The following PCDH15 variants were observed in gnomAD, a reference collection of about 807,000 sequenced individuals.
PCDH15 encodes protocadherin-15.
In PCDH15, 129 loss-of-function variants were observed where a neutral mutation model predicts 178.5. That is an observed-to-expected ratio of 0.72 (90% CI 0.63 to 0.84). The LOEUF (loss-of-function observed/expected upper bound fraction) is 0.84. Among genes scored for constraint, PCDH15 ranks in the 40% least tolerant of loss-of-function variants. The pLI is 0.00. For missense variants in PCDH15, 2,230 were observed against 2,099.9 expected (o/e 1.06, Z -1.21); for synonymous variants, 800 against 732.0 (o/e 1.09, Z -1.50).
intron 8 of PCDH15, among the ~76,000 whole-genome samples, chr10:54,292,360 A>G (rs1175130482): frequency 1.3e-5 from 2 of 152,180 alleles, no homozygotes; most frequent in Non-Finnish European, 2.9e-5. Flanking sequence ...CCCACAGCCA[A>G]TATCATACTG....
intron 3 of PCDH15, among the ~76,000 whole-genome samples, chr10:54,446,225 T>C (rs2076134262): frequency 6.6e-6 from 1 of 151,678 alleles, no homozygotes; most frequent in Admixed American, 6.6e-5. Flanking sequence ...TATAGTTTTC[T>C]TGTAGAGAAA....
At chr10:54,049,553 G>T (rs2093723307) in intron 18 of PCDH15, among the ~76,000 whole-genome samples, 1 of 151,800 alleles carries the variant, frequency 6.6e-6, no homozygotes, top group Non-Finnish European at 1.5e-5. Context: ...TCAATGCCTA[G>T]TTTCTTGTGG....
chr10:53,963,691 C>A (rs1321940587), intron 21 of PCDH15, among the ~76,000 whole-genome samples: 8 of 152,098 alleles, frequency 5.3e-5, no homozygotes, highest in Non-Finnish European at 7.4e-5. Flanking sequence ...GATAATGGCT[C>A]TACCTTTTAC....
intron 25 of PCDH15, among the ~76,000 whole-genome samples, chr10:53,929,468 C>A (rs978796026): frequency 6.6e-6 from 1 of 152,004 alleles, no homozygotes; most frequent in Non-Finnish European, 1.5e-5. Context: ...AAAACAGTGG[C>A]CATATATTTG....
At chr10:54,881,759 T>C (rs528711023) in intron 3 of PCDH15, among the ~76,000 whole-genome samples, 2 of 152,236 alleles carry the variant, frequency 1.3e-5, no homozygotes, top group South Asian at 4.1e-4. Flanking sequence ...AGATAATAAA[T>C]TGAAATCATA....
chr10:55,216,874 T>C (rs941152895), intron 1 of PCDH15, among the ~76,000 whole-genome samples: 2 of 151,900 alleles, frequency 1.3e-5, no homozygotes, highest in Non-Finnish European at 2.9e-5. Flanking sequence ...CTAATAGACA[T>C]TTGTTTTTTT....
At chr10:55,116,208 A>T (rs1393129279) in intron 2 of PCDH15, among the ~76,000 whole-genome samples, 1 of 152,166 alleles carries the variant, frequency 6.6e-6, no homozygotes, top group African/African-American at 2.4e-5. Context: ...CAGGTAAATA[A>T]CTAATGGCTT....
At chr10:55,584,096 C>T (rs1438615139) in intron 2 of PCDH15, among the ~76,000 whole-genome samples, 1 of 152,008 alleles carries the variant, frequency 6.6e-6, no homozygotes, top group Admixed American at 6.6e-5. Flanking sequence ...ATTGTCCAAG[C>T]TGGACAATAA....
intron 2 of PCDH15, among the ~76,000 whole-genome samples, chr10:54,609,488 T>C (rs1199032677): frequency 2.6e-5 from 4 of 152,074 alleles, no homozygotes; most frequent in Non-Finnish European, 5.9e-5. Context: ...GCATAATTTA[T>C]GTTTTGAGAA....
intron 2 of PCDH15, among the ~76,000 whole-genome samples, chr10:54,995,578 C>T (rs763304327): frequency 1.3e-4 from 19 of 151,058 alleles, no homozygotes; most frequent in Non-Finnish European, 1.9e-4. Context: ...TCCAACTGTC[C>T]CGTAGAACTG....
intron 1 of PCDH15, among the ~76,000 whole-genome samples, chr10:54,782,203 T>C (rs1303702538): frequency 2.0e-5 from 3 of 152,060 alleles, no homozygotes; most frequent in Admixed American, 6.6e-5. Context: ...ATTTTGAGGA[T>C]GCGATATGAC....
intron 3 of PCDH15, among the ~76,000 whole-genome samples, chr10:54,433,019 G>C (rs1957132450): frequency 6.6e-6 from 1 of 151,976 alleles, no homozygotes; most frequent in South Asian, 2.1e-4. Flanking sequence ...ACAACAATGA[G>C]ATATCATCTT....
At chr10:54,004,425 A>C (rs912654465) in intron 20 of PCDH15, among the ~76,000 whole-genome samples, 1 of 28,480 alleles carries the variant, frequency 3.5e-5, no homozygotes, top group Non-Finnish European at 7.0e-5. Flanking sequence ...ACACACACAC[A>C]CCACACAAAG....
chr10:55,518,750 A>G (rs1367921629), intron 2 of PCDH15, among the ~76,000 whole-genome samples: 1 of 151,916 alleles, frequency 6.6e-6, no homozygotes, highest in Non-Finnish European at 1.5e-5. Flanking sequence ...ACAAAGAGAC[A>G]CAGAAGCAGT....
chr10:54,611,125 T>C (rs1276688593), intron 2 of PCDH15, among the ~76,000 whole-genome samples: 1 of 151,842 alleles, frequency 6.6e-6, no homozygotes, highest in African/African-American at 2.4e-5. Flanking sequence ...CATTTTTTTC[T>C]TACAATTGAA....
chr10:54,595,107 T>A (rs1253225471), intron 2 of PCDH15, among the ~76,000 whole-genome samples: 1 of 152,202 alleles, frequency 6.6e-6, no homozygotes, highest in East Asian at 1.9e-4. Flanking sequence ...GAGGCTGTCA[T>A]CTTCCATGTG....
At chr10:54,852,575 G>A (rs947911010) in intron 3 of PCDH15, among the ~76,000 whole-genome samples, 9 of 152,054 alleles carry the variant, frequency 5.9e-5, no homozygotes, top group Admixed American at 2.0e-4. Flanking sequence ...ATTTTAGGCC[G>A]GGTGCAGTGG....
At chr10:53,999,001 C>T (rs770384279) in intron 20 of PCDH15, among the ~76,000 whole-genome samples, 12 of 146,364 alleles carry the variant, frequency 8.2e-5, no homozygotes, top group Non-Finnish European at 1.3e-4. Flanking sequence ...TGCAGTGAGC[C>T]GAGATCGCGC....
rs71461287 is a variant in PCDH15 at position 55,225,650 on chromosome 10, T to TGTGA, written c.-155-59000_-155-58999insTCAC. Reference sequence around the variant, plus strand: ...GTGTGTGTGTTTGTGTGTGTGTGTGTGAGAGAGAGAGAGAGAGAGAGAAAC... The same window carrying TGTGA: ...GTGTGTGTGTTTGTGTGTGTGTGTGTGTGAGAGAGAGAGAGAGAGAGAGAGAAAC... On this transcript the variant is annotated intron_variant, in intron 1 of 5. Coordinates refer to the PCDH15 transcript ENST00000458638. 2.0e-3 allele frequency among the ~76,000 whole-genome samples: 299 copies of TGTGA among 148,126 alleles called. 3 individuals are homozygous for TGTGA. In the South Asian group the frequency reaches 0.022, roughly 11 times the overall value.
Sources: allele counts gnomAD v4.1 joint callset (sites outside exome capture counted in the v4.1 genomes callset), GRCh38; gene constraint gnomAD v4.1.1; transcripts MANE v1.5; gene names NCBI Gene and HGNC (gene_info 2026-07-23, HGNC 2026-07-21).